The following DCC variants were observed in gnomAD, a reference collection of about 807,000 sequenced individuals.
DCC encodes DCC netrin 1 receptor.
DCC carries 58 observed loss-of-function variants against 172.5 expected under a neutral mutation model. The ratio of observed to expected loss-of-function variants is 0.34; its 90% CI spans 0.27 to 0.42. The LOEUF (loss-of-function observed/expected upper bound fraction) is 0.42, where lower values mean the gene tolerates loss of function less well. Ranked by LOEUF, DCC falls within the 10% of genes least tolerant of loss-of-function variation. The pLI is 1.00. For missense variants in DCC, 1,740 were observed against 1,791.0 expected, an observed-to-expected ratio of 0.97 and a Z score of 0.51; for synonymous variants, 709 against 644.5, an observed-to-expected ratio of 1.10 and a Z score of -1.52.
chr18:53,340,069 C>G (rs201040794), intron 15 of DCC, among the ~76,000 whole-genome samples, 162 bp downstream of exon 15: 1 of 125,650 alleles, frequency 8.0e-6, no homozygotes, highest in East Asian at 3.1e-4. Flanking sequence ...CACACACACA[C>G]ACACACATAC....
intron 1 of DCC, among the ~76,000 whole-genome samples, chr18:52,658,562 A>T (rs2035298445): frequency 6.6e-6 from 1 of 151,900 alleles, no homozygotes; most frequent in African/African-American, 2.4e-5. Context: ...CTATTCTTCT[A>T]GTTCTACACT....
intron 12 of DCC, among the ~76,000 whole-genome samples, chr18:53,269,302 C>T (rs897848591): frequency 2.0e-5 from 3 of 152,212 alleles, no homozygotes; most frequent in Admixed American, 6.5e-5. Context: ...CACACATACA[C>T]GAATTTTTCT....
intron 1 of DCC, among the ~76,000 whole-genome samples, chr18:52,583,442 C>T (rs1369025958): frequency 6.6e-6 from 1 of 152,096 alleles, no homozygotes; most frequent in Non-Finnish European, 1.5e-5. Flanking sequence ...TTTATTTTTA[C>T]TTTTATACTT....
In DCC at chr18:53,534,886, C is replaced by T. The variant is rs998325998; in HGVS notation, c.*4233C>T. On this transcript the variant is annotated 3_prime_UTR_variant, in exon 29 of 29. Transcript: ENST00000442544. ...CGTTCACGTGGCAGACTTCCAGTTG[C>T]ACTCTCTGAAGGACTTTTTTCTCTT... is the stretch of plus-strand genomic sequence containing the variant. The T allele has an allele frequency of 6.6e-6, 1 of 152,210 alleles. No homozygotes were observed. Among genetic ancestry groups the T allele is most frequent in the African/African-American group, 2.4e-5 (1 of 41,448 alleles). 9.4% of individuals were successfully genotyped at this position (152,210 alleles called of 1,614,324 possible). A position where few individuals can be genotyped will look rare whatever the true frequency, so the allele number is the denominator to read the frequency against.
intron 1 of DCC, among the ~76,000 whole-genome samples, chr18:52,529,212 TG>T (rs1417911523): frequency 1.3e-5 from 2 of 152,246 alleles, no homozygotes; most frequent in East Asian, 3.8e-4. Context: ...GTGATAGAAC[TG>T]GTCTGTCATA....
chr18:52,657,388 G>T (rs1229598478), intron 1 of DCC, among the ~76,000 whole-genome samples: 1 of 152,198 alleles, frequency 6.6e-6, no homozygotes, highest in African/African-American at 2.4e-5. Flanking sequence ...AATTTCCCGG[G>T]ATTCTAAACT....
intron 27 of DCC, among the ~76,000 whole-genome samples, chr18:53,506,902 TC>T (rs2046186231): frequency 6.7e-6 from 1 of 150,274 alleles, no homozygotes; most frequent in African/African-American, 2.4e-5. Flanking sequence ...TCAGTGGAAG[TC>T]AGTCAGAGTC....
chr18:53,327,449 A>G (rs753779908), intron 14 of DCC, among the ~76,000 whole-genome samples: 2 of 151,750 alleles, frequency 1.3e-5, no homozygotes, highest in Non-Finnish European at 2.9e-5. Flanking sequence ...AAATCTGTTT[A>G]TGATACTTTT....
chr18:52,791,645 T>G (rs999904769), intron 2 of DCC, among the ~76,000 whole-genome samples: 1 of 151,994 alleles, frequency 6.6e-6, no homozygotes, highest in African/African-American at 2.4e-5. Flanking sequence ...CCTGGACTTG[T>G]GTAACCTGCC....
intron 1 of DCC, among the ~76,000 whole-genome samples, chr18:52,689,234 A>G (rs2035890707): frequency 6.6e-6 from 1 of 152,186 alleles, no homozygotes; most frequent in Non-Finnish European, 1.5e-5. Context: ...TTGAGAAAGA[A>G]GCAAGAAAGT....
chr18:53,092,018 A>G (rs1427249568), intron 7 of DCC, among the ~76,000 whole-genome samples: 1 of 145,634 alleles, frequency 6.9e-6, no homozygotes, highest in Non-Finnish European at 1.5e-5. Context: ...AACCCTGTGA[A>G]CTATCTTTAT....
chr18:52,854,074 T>C (rs1485513529), intron 2 of DCC, among the ~76,000 whole-genome samples: 3 of 152,250 alleles, frequency 2.0e-5, no homozygotes, highest in Non-Finnish European at 4.4e-5. Context: ...TTAGGCTATA[T>C]GGCAGAATGA....
intron 12 of DCC, among the ~76,000 whole-genome samples, chr18:53,293,548 T>G (rs568025655): frequency 6.6e-6 from 1 of 152,286 alleles, no homozygotes; most frequent in South Asian, 2.1e-4. Context: ...AGGGGCTTGT[T>G]GTACAGATTA....
chr18:52,381,957 C>T (rs1223641246), intron 1 of DCC, among the ~76,000 whole-genome samples: 1 of 152,106 alleles, frequency 6.6e-6, no homozygotes, highest in Non-Finnish European at 1.5e-5. Flanking sequence ...AAAAAGCTGT[C>T]TCCTTGGTCC....
chr18:53,439,337 T>A (rs1294573422), intron 22 of DCC, among the ~76,000 whole-genome samples: 1 of 152,170 alleles, frequency 6.6e-6, no homozygotes, highest in African/African-American at 2.4e-5. Flanking sequence ...GTAATAAAAC[T>A]CCAATTGTAC....
At chr18:52,997,002 G>T (rs1398787589) in intron 5 of DCC, among the ~76,000 whole-genome samples, 1 of 151,974 alleles carries the variant, frequency 6.6e-6, no homozygotes, top group Non-Finnish European at 1.5e-5. Context: ...TCCAGAAAAG[G>T]AGCTAATGCT....
At chr18:52,702,722 G>T (rs1329765691) in intron 1 of DCC, among the ~76,000 whole-genome samples, 2 of 152,020 alleles carry the variant, frequency 1.3e-5, no homozygotes, top group Non-Finnish European at 2.9e-5. Flanking sequence ...GCCTTGTGGG[G>T]AATTCACATT....
At chr18:53,325,869 A>G (rs1420679706) in intron 14 of DCC, among the ~76,000 whole-genome samples, 2 of 152,224 alleles carry the variant, frequency 1.3e-5, no homozygotes, top group Non-Finnish European at 2.9e-5. Flanking sequence ...GGCTGCACTG[A>G]TTAGAAAAGA....
At chr18:52,602,126 A>G (rs1475599516) in intron 1 of DCC, among the ~76,000 whole-genome samples, 1 of 152,058 alleles carries the variant, frequency 6.6e-6, no homozygotes, top group Non-Finnish European at 1.5e-5. Flanking sequence ...ATAGTCACAT[A>G]TTTATAATCC....
Sources: gnomAD v4.1 joint callset for allele counts (sites outside exome capture counted in the v4.1 genomes callset) on GRCh38, gnomAD v4.1.1 for gene constraint, MANE v1.5 for transcripts, NCBI Gene and HGNC (gene_info 2026-07-23, HGNC 2026-07-21) for gene names.